The following WDR82 variants were observed in gnomAD, a reference collection of about 807,000 sequenced individuals.
WDR82 encodes WD repeat domain 82.
In WDR82, 8 loss-of-function variants were observed where a neutral mutation model predicts 36.1. The ratio of observed to expected loss-of-function variants is 0.22; its 90% confidence interval spans 0.13 to 0.40. The LOEUF (loss-of-function observed/expected upper bound fraction) is 0.40. Among genes scored for constraint, WDR82 ranks in the 10% least tolerant of loss-of-function variants. The pLI, the probability that WDR82 is intolerant of heterozygous loss-of-function variation, is 1.00. For missense variants in WDR82, 185 were observed against 400.5 expected (o/e 0.46, Z 4.59); for synonymous variants, 129 against 137.8 (o/e 0.94, Z 0.45).
chr3:52,269,200 CGTGGT>C (rs1340796109), intron 2 of WDR82, among the ~76,000 whole-genome samples: 12 of 152,164 alleles, frequency 7.9e-5, no homozygotes, highest in African/African-American at 2.7e-4. Flanking sequence ...CCTGGCCGGG[CGTGGT>C]GGTTCACACC....
intron 7 of WDR82, 86 bp downstream of exon 7, chr3:52,259,111 G>T: frequency 1.5e-6 from 2 of 1,318,440 alleles, no homozygotes; most frequent in South Asian, 1.3e-5. Flanking sequence ...CTATCAAATA[G>T]ATAATAATGT....
intron 3 of WDR82, among the ~76,000 whole-genome samples, chr3:52,264,925 A>G (rs1324067799): frequency 6.6e-6 from 1 of 152,096 alleles, no homozygotes; most frequent in Admixed American, 6.5e-5. Context: ...CAAAGTGCTG[A>G]TAACAGGCCT....
chr3:52,261,317 A>G, intron 4 of WDR82, 63 bp downstream of exon 4: 2 of 1,350,940 alleles, frequency 1.5e-6, no homozygotes, highest in South Asian at 1.3e-5. Flanking sequence ...TTTGAGAGGT[A>G]GAGTTCATTA....
In WDR82 at chr3:52,270,018, C is replaced by G. The variant is rs141646777; in HGVS notation, c.259+694G>C. ...TAACTTCCCTTAAACTATCATAGTT[C>G]AAGCATTTGTGAAACTTTTCTCAAA... On this transcript the variant is annotated intron_variant, in intron 2 of 8. Coordinates refer to ENST00000296490, the MANE Select transcript of WDR82 (RefSeq NM_025222.4). Among the ~76,000 whole-genome samples the G allele has an allele frequency of 1.6e-3, 243 of 152,310 alleles. 1 individual carries two copies. Among genetic ancestry groups the G allele is most frequent in the African/African-American group, 5.7e-3 (235 of 41,558 alleles).
intron 3 of WDR82, among the ~76,000 whole-genome samples, chr3:52,262,753 T>A (rs1159423690): frequency 6.6e-6 from 1 of 152,212 alleles, no homozygotes; most frequent in Non-Finnish European, 1.5e-5. Context: ...TCAACTAACA[T>A]CTGCACCAGC....
intron 8 of WDR82, among the ~76,000 whole-genome samples, chr3:52,257,847 AG>A (rs1270925127): frequency 6.6e-6 from 1 of 152,036 alleles, no homozygotes; most frequent in Non-Finnish European, 1.5e-5. Flanking sequence ...CTAATCCACC[AG>A]GTTACCTCCA....
intron 3 of WDR82, 129 bp from the exon 4 acceptor site, chr3:52,261,608 C>A (rs186684842): frequency 3.3e-6 from 2 of 613,274 alleles, no homozygotes; most frequent in South Asian, 2.8e-5. Context: ...TTAAGAAACA[C>A]AATAAAACAC....
Position 52,258,599 on chromosome 3 carries a change from G to A in WDR82, c.849C>T (p.Gly283=). ...GGTTGAATTGCAAACAGGTAATCGG[G>A]CCTGTGTGTTTACCATCCAACACAG... ...KVAVLDGKHT[G]PITCLQFNPK... Residue 283 remains glycine (G), a synonymous_variant, in exon 8 of 9, where the codon GGC becomes GGT. Transcript: ENST00000296490. 2 of 1,614,142 alleles carry A rather than the reference G, an allele frequency of 1.2e-6. No individual in the cohort carries two copies. The highest frequency in any genetic ancestry group is 1.7e-6 in the Non-Finnish European group (2 of 1,180,008).
chr3:52,269,720 A>C (rs1324911833), intron 2 of WDR82, among the ~76,000 whole-genome samples: 1 of 152,198 alleles, frequency 6.6e-6, no homozygotes, highest in Non-Finnish European at 1.5e-5. Context: ...ACAGAGTGAG[A>C]CTCTGTCTCA....
chr3:52,259,606 C>T, intron 6 of WDR82, 111 bp downstream of exon 6: 1 of 1,324,614 alleles, frequency 7.5e-7, no homozygotes, highest in Admixed American at 2.3e-5. Flanking sequence ...AAGTGCATGC[C>T]TTCATGAGTA....
chr3:52,258,702 T>C, intron 7 of WDR82, 24 bp from the exon 8 acceptor site: 2 of 1,613,902 alleles, frequency 1.2e-6, no homozygotes, highest in Non-Finnish European at 8.5e-7. Flanking sequence ...TCACGGAAAA[T>C]GTAACAGCTC....
At chr3:52,262,592 C>T (rs916572731) in intron 3 of WDR82, among the ~76,000 whole-genome samples, 1 of 152,126 alleles carries the variant, frequency 6.6e-6, no homozygotes, top group Non-Finnish European at 1.5e-5. Context: ...TTCTAACTAG[C>T]CCCCAGGTGA....
intron 3 of WDR82, among the ~76,000 whole-genome samples, chr3:52,264,796 A>ACT (rs1700091152): frequency 1.3e-5 from 2 of 151,730 alleles, no homozygotes; most frequent in South Asian, 4.2e-4. Flanking sequence ...GTTTAAAAGA[A>ACT]CTCTTTTTTT....
intron 3 of WDR82, among the ~76,000 whole-genome samples, chr3:52,263,733 AAG>A (rs1700081118): frequency 6.6e-6 from 1 of 152,246 alleles, no homozygotes. Context: ...CCAGAATTGG[AAG>A]AGACAGAGAT....
chr3:52,272,593 A>C (rs1174565334), intron 1 of WDR82, among the ~76,000 whole-genome samples: 1 of 152,152 alleles, frequency 6.6e-6, no homozygotes, highest in Non-Finnish European at 1.5e-5. Flanking sequence ...TATCTATGTA[A>C]ATCTAGATTC....
In WDR82 at chr3:52,259,388, A is replaced by G. The variant is rs370375154; in HGVS notation, c.700-122T>C. On this transcript the variant is annotated intron_variant, in intron 6 of 8. Transcript: ENST00000296490. ...CCATGAAACCCTTTCCTTGTCATGT[A>G]CTACACCACCAAGCTTCCAAATGTG... is the stretch of plus-strand genomic sequence containing the variant. 2,000 of 987,422 alleles carry G rather than the reference A, an allele frequency of 2.0e-3. 32 individuals carry two copies. The South Asian group carries it at 0.023, about 11-fold the overall frequency. 61.2% of individuals were successfully genotyped at this position (987,422 alleles called of 1,614,324 possible). A position where few individuals can be genotyped will look rare whatever the true frequency, so the allele number is the denominator to read the frequency against.
At chr3:52,259,151 A>G in intron 7 of WDR82, 46 bp downstream of exon 7, 1 of 1,519,162 alleles carries the variant, frequency 6.6e-7, no homozygotes, top group Non-Finnish European at 9.1e-7. Context: ...AAAGAAATGC[A>G]TAGTACCAGA....
In WDR82 at chr3:52,255,472, A is replaced by G. The variant is rs1430303198; in HGVS notation, c.*2018T>C. On this transcript the variant is annotated 3_prime_UTR_variant, in exon 9 of 9. Coordinates refer to ENST00000296490, the MANE Select transcript of WDR82 (RefSeq NM_025222.4). ...CCAGGGGTGGGCAATAACAATTAAG[A>G]TCATTTGGTTTCTAAAAGTTCTTCC... 6.6e-6 allele frequency: 1 copy of G among 152,114 alleles called. No homozygotes were observed. The highest frequency in any genetic ancestry group is 2.4e-5 in the African/African-American group (1 of 41,424). 9.4% of individuals were successfully genotyped at this position (152,114 alleles called of 1,614,324 possible).
chr3:52,261,580 TC>T (rs1439044996), intron 3 of WDR82, 101 bp from the exon 4 acceptor site: 6 of 870,066 alleles, frequency 6.9e-6, no homozygotes, highest in Non-Finnish European at 9.8e-6. Context: ...ATATACCTGT[TC>T]TCCCAAAATT....
Sources: gnomAD v4.1 joint callset for allele counts (sites outside exome capture counted in the v4.1 genomes callset) on GRCh38, gnomAD v4.1.1 for gene constraint, MANE v1.5 for transcripts, NCBI Gene and HGNC (gene_info 2026-07-23, HGNC 2026-07-21) for gene names.